Variants in HMOX1 observed in about 807,000 individuals in gnomAD.
The protein encoded by HMOX1 is heat shock protein, 32-kD.
HMOX1 carries 22 observed loss-of-function variants against 27.8 expected under a neutral mutation model. The observed-to-expected ratio is 0.79, with a 90% CI of 0.57 to 1.13. The LOEUF (loss-of-function observed/expected upper bound fraction) is 1.13, where lower values mean the gene tolerates loss of function less well. Ranked by LOEUF, HMOX1 falls within the 50% of genes most tolerant of loss-of-function variation. The pLI, the probability that HMOX1 is intolerant of heterozygous loss-of-function variation, is 0.00. For missense variants in HMOX1, 379 were observed against 377.7 expected (o/e 1.00, Z -0.03); for synonymous variants, 153 against 151.6 (o/e 1.01, Z -0.07).
chr22:35,387,228 A>C, intron 3 of HMOX1, 52 bp downstream of exon 3: 1 of 1,609,132 alleles, frequency 6.2e-7, no homozygotes, highest in Non-Finnish European at 8.5e-7. Flanking sequence ...TTGTTCCTCC[A>C]AGGGACCCTT....
intron 4 of HMOX1, among the ~76,000 whole-genome samples, 182 bp from the exon 5 acceptor site, chr22:35,393,286 C>T (rs911786879): frequency 6.6e-6 from 1 of 152,182 alleles, no homozygotes; most frequent in African/African-American, 2.4e-5. Context: ...TAGTGAGCTG[C>T]CCGTCTTTGA....
At position 35,390,173 on chromosome 22, in the gene HMOX1, G is replaced by C. The variant is rs143113031; in HGVS notation, c.736+210G>C. The C allele has an allele frequency of 1.4e-4, 82 of 600,838 alleles. 1 individual carries two copies. Among genetic ancestry groups the C allele is most frequent in the African/African-American group, 9.9e-4 (54 of 54,580 alleles). The allele number at this position is 600,838 out of a possible 1,614,324, so 37.2% of individuals were successfully genotyped here. A position where few individuals can be genotyped will look rare whatever the true frequency, so the allele number is the denominator to read the frequency against. On this transcript the variant is annotated intron_variant, in intron 4 of 4. Coordinates refer to ENST00000216117, the MANE Select transcript of HMOX1 (RefSeq NM_002133.3). ...ACACCTGACTTCAAGCAATCCTCTTGCCTCTGCCTCCCCACATGCTGCAGT... is the reference window on the plus strand; with the variant it reads ...ACACCTGACTTCAAGCAATCCTCTTCCCTCTGCCTCCCCACATGCTGCAGT...
chr22:35,382,946 C>T (rs562102730), intron 1 of HMOX1, among the ~76,000 whole-genome samples, 160 bp from the exon 2 acceptor site: 19 of 152,358 alleles, frequency 1.2e-4, no homozygotes, highest in African/African-American at 4.6e-4. Context: ...GCGTGAGCCA[C>T]CGTGCCCAGC....
At chr22:35,389,203 T>C (rs1931588326) in intron 3 of HMOX1, among the ~76,000 whole-genome samples, 1 of 127,232 alleles carries the variant, frequency 7.9e-6, no homozygotes, top group African/African-American at 3.7e-5. Context: ...CTTTCTTTCT[T>C]TCTTTCTTTC....
At chr22:35,390,616 C>T (rs775163009) in intron 4 of HMOX1, among the ~76,000 whole-genome samples, 16 of 152,184 alleles carry the variant, frequency 1.1e-4, no homozygotes, top group Non-Finnish European at 1.9e-4. Flanking sequence ...AGCCATGAGA[C>T]TTCTCCCTAC....
Position 35,381,182 on chromosome 22 carries a change from T to C in HMOX1, c.9T>C (p.Arg3=). Residue 3 remains arginine, a synonymous_variant, in exon 1 of 5, where the codon CGT becomes CGC. Transcript: ENST00000216117. ME[R]PQPDSMPQDL... ...AGCCCAGCACCGGCCGGATGGAGCG[T>C]CCGCAACCCGACAGGCAAGCGCGGG... 6.5e-7 allele frequency: 1 copy of C among 1,544,920 alleles called. No individual in the cohort carries two copies.
intron 1 of HMOX1, 109 bp downstream of exon 1, chr22:35,381,305 G>C: frequency 1.5e-6 from 2 of 1,345,074 alleles, no homozygotes; most frequent in South Asian, 2.5e-5. Context: ...CCAGGAGCCA[G>C]AAACTTGGGC....
chr22:35,383,853 T>C (rs1931444398), intron 2 of HMOX1, among the ~76,000 whole-genome samples: 1 of 152,168 alleles, frequency 6.6e-6, no homozygotes, highest in Non-Finnish European at 1.5e-5. Flanking sequence ...GTACTGATTT[T>C]GCTGTTTCCC....
intron 4 of HMOX1, among the ~76,000 whole-genome samples, chr22:35,391,851 A>C (rs571546384): frequency 1.7e-4 from 26 of 151,886 alleles, no homozygotes; most frequent in Non-Finnish European, 3.5e-4. Context: ...CATTTTCCAA[A>C]GGTTATGTGA....
chr22:35,392,202 C>T (rs569105318), intron 4 of HMOX1, among the ~76,000 whole-genome samples: 3 of 136,102 alleles, frequency 2.2e-5, no homozygotes, highest in East Asian at 2.1e-4. Context: ...CCATCCTGGG[C>T]GACAGCGAGA....
chr22:35,382,505 C>T (rs1931406754), intron 1 of HMOX1, among the ~76,000 whole-genome samples: 1 of 148,714 alleles, frequency 6.7e-6, no homozygotes, highest in Admixed American at 6.7e-5. Flanking sequence ...GCGCCCACTA[C>T]CATGCCCGGC....
chr22:35,385,591 C>A (rs985181197), intron 2 of HMOX1, among the ~76,000 whole-genome samples: 7 of 150,968 alleles, frequency 4.6e-5, no homozygotes, highest in African/African-American at 1.7e-4. Flanking sequence ...AGGCATGCAC[C>A]CCCACAGCCA....
At chr22:35,388,604 G>C (rs113768971) in intron 3 of HMOX1, among the ~76,000 whole-genome samples, 4 of 151,456 alleles carry the variant, frequency 2.6e-5, no homozygotes, top group African/African-American at 9.7e-5. Flanking sequence ...TGACTAACAC[G>C]GTGAAACCCC....
At chr22:35,388,778 C>G (rs1320404256) in intron 3 of HMOX1, among the ~76,000 whole-genome samples, 1 of 149,994 alleles carries the variant, frequency 6.7e-6, no homozygotes, top group African/African-American at 2.5e-5. Context: ...GCCTGGGAGA[C>G]AGAGTGAGAC....
Position 35,383,213 on chromosome 22 carries a change from G to T in HMOX1, c.131G>T (p.Arg44Leu). The T allele has an allele frequency of 6.2e-7, 1 of 1,613,660 alleles. No individual in the cohort carries two copies. The highest frequency in any genetic ancestry group is 1.1e-5 in the South Asian group (1 of 91,058). Residue 44 changes from arginine to leucine, a missense_variant, in exon 2 of 5, where the codon CGA becomes CTA. Arg to Leu is a moderately radical substitution (Grantham distance 102). Coordinates refer to ENST00000216117, the MANE Select transcript of HMOX1 (RefSeq NM_002133.3). The stretch of plus-strand genomic sequence containing the variant: ...AACTTTCAGAAGGGCCAGGTGACCC[G>T]AGACGGCTTCAAGGTATGTGGCTTG... Reference protein sequence around the residue: ...MRNFQKGQVTRDGFKLVMASL... With the variant: ...MRNFQKGQVTLDGFKLVMASL...
At chr22:35,389,287 CTCT>C (rs1329324360) in intron 3 of HMOX1, among the ~76,000 whole-genome samples, 8 of 101,376 alleles carry the variant, frequency 7.9e-5, no homozygotes, top group Admixed American at 7.4e-4. Flanking sequence ...CTCTCTCTCT[CTCT>C]TCTTTCTTCT....
rs1283523306 is a variant in HMOX1 at position 35,394,001 on chromosome 22, GTGTCTTGTGTTTT to G, written c.*410_*422del. On this transcript the variant is annotated 3_prime_UTR_variant, in exon 5 of 5. Transcript: ENST00000216117. ...TTTTACACAAACCTGAAAAGATGTT[GTGTCTTGTGTTTT>G]TGTCTTATTTTTGTTGGAGCCACTC... 1.6e-5 allele frequency: 5 copies of G among 317,022 alleles called. No individual in the cohort carries two copies. Among genetic ancestry groups the G allele is most frequent in the Non-Finnish European group, 3.1e-5 (5 of 161,306 alleles). The allele number at this position is 317,022 out of a possible 1,614,324, so 19.6% of individuals were successfully genotyped here. A position where few individuals can be genotyped will look rare whatever the true frequency, so the allele number is the denominator to read the frequency against.
Position 35,383,128 on chromosome 22 carries a change from G to T in HMOX1, c.46G>T (p.Ala16Ser), listed in dbSNP as rs1298040151. 3 of 1,613,734 alleles carry T rather than the reference G, an allele frequency of 1.9e-6. No individual in the cohort carries two copies. Among genetic ancestry groups the T allele is most frequent in the Non-Finnish European group, 2.5e-6 (3 of 1,179,726 alleles). Residue 16 changes from alanine to serine, a missense_variant, in exon 2 of 5, where the codon GCC (alanine) becomes TCC (serine). Coordinates refer to ENST00000216117, the MANE Select transcript of HMOX1 (RefSeq NM_002133.3). ...PDSMPQDLSE[A>S]LKEATKEVHT... The stretch of plus-strand genomic sequence containing the variant: ...CAGCATGCCCCAGGATTTGTCAGAG[G>T]CCCTGAAGGAGGCCACCAAGGAGGT...
chr22:35,389,387 C>CCTTCCTTCCTTCCTTT (rs1931635706), intron 3 of HMOX1, among the ~76,000 whole-genome samples: 1 of 51,196 alleles, frequency 2.0e-5, no homozygotes, highest in Non-Finnish European at 3.6e-5. Context: ...TTCCTTCCTT[C>CCTTCCTTCCTTCCTTT]CTTCCTTCCT....
Sources: allele counts gnomAD v4.1 joint callset (sites outside exome capture counted in the v4.1 genomes callset), GRCh38; gene constraint gnomAD v4.1.1; transcripts MANE v1.5; gene names NCBI Gene and HGNC (gene_info 2026-07-23, HGNC 2026-07-21).